The following CRIM1 variants were observed in gnomAD, a reference collection of about 807,000 sequenced individuals.
CRIM1 encodes the protein cysteine rich transmembrane BMP regulator 1, also known as cysteine-rich motor neuron 1 protein.
CRIM1 carries 32 observed loss-of-function variants against 116.4 expected under a neutral mutation model. That is an observed-to-expected ratio of 0.27 (90% CI 0.21 to 0.37). The LOEUF (loss-of-function observed/expected upper bound fraction) is 0.37, where lower values mean the gene tolerates loss of function less well. Ranked by LOEUF, CRIM1 falls within the 10% of genes least tolerant of loss-of-function variation. CRIM1 has a pLI of 1.00. For synonymous variants in CRIM1, 590 were observed against 509.2 expected, an observed-to-expected ratio of 1.16 and a Z score of -2.13; for missense variants, 1,331 against 1,354.8, an observed-to-expected ratio of 0.98 and a Z score of 0.28.
chr2:36,460,360 AG>A (rs2124996827), intron 4 of CRIM1, among the ~76,000 whole-genome samples: 2 of 152,322 alleles, frequency 1.3e-5, no homozygotes, highest in East Asian at 3.9e-4. Flanking sequence ...AACATAAATT[AG>A]TGGTTGCTAA....
chr2:36,477,525 A>C (rs1679079136), intron 6 of CRIM1, among the ~76,000 whole-genome samples: 1 of 152,182 alleles, frequency 6.6e-6, no homozygotes, highest in Admixed American at 6.5e-5. Flanking sequence ...CGTAATACCC[A>C]GGACCCTCCA....
At chr2:36,410,820 C>T (rs1211146426) in intron 2 of CRIM1, among the ~76,000 whole-genome samples, 1 of 151,960 alleles carries the variant, frequency 6.6e-6, no homozygotes, top group East Asian at 1.9e-4. Context: ...CATGAAAAGA[C>T]ACTTGTTTCA....
At chr2:36,476,867 T>G (rs776292709) in intron 5 of CRIM1, 22 bp from the exon 6 acceptor site, 3 of 1,587,782 alleles carry the variant, frequency 1.9e-6, no homozygotes, top group Non-Finnish European at 2.6e-6. Context: ...AAATATGCCT[T>G]GTTTGTTTTA....
intron 1 of CRIM1, among the ~76,000 whole-genome samples, chr2:36,377,068 G>A (rs963103196): frequency 1.3e-5 from 2 of 152,132 alleles, no homozygotes; most frequent in Non-Finnish European, 2.9e-5. Context: ...TGTGGGTTCC[G>A]GAAGGCCCAC....
At chr2:36,383,172 A>G (rs1670913801) in intron 1 of CRIM1, among the ~76,000 whole-genome samples, 1 of 152,230 alleles carries the variant, frequency 6.6e-6, no homozygotes, top group Admixed American at 6.5e-5. Flanking sequence ...AGCATGTGGA[A>G]AAAGGACTGA....
intron 1 of CRIM1, among the ~76,000 whole-genome samples, chr2:36,363,165 A>G: frequency 6.7e-6 from 1 of 148,324 alleles, no homozygotes; most frequent in Admixed American, 6.9e-5. Flanking sequence ...GCACCACTGC[A>G]CTCCAGCCTG....
At position 36,513,760 on chromosome 2, in the gene CRIM1, G is replaced by T; in HGVS notation, c.1985G>T (p.Cys662Phe). 6.2e-7 allele frequency: 1 copy of T among 1,613,884 alleles called. No individual in the cohort carries two copies. The highest frequency in any genetic ancestry group is 8.5e-7 in the Non-Finnish European group (1 of 1,179,882). The change falls in exon 11 of 17, where the codon TGT becomes TTT. Residue 662 changes from cysteine (C) to phenylalanine (F), a missense_variant. Around this residue, in one of 3 missense-constraint regions of CRIM1, gnomAD observed 358 missense variants for 436.1 expected, o/e 0.82. Transcript: ENST00000280527. ...CACCCTGGACAGTGCTGCCCATCAT[G>T]TGCAGGTAAAAGCTGGCTGCCATCT... Reference protein sequence around the residue: ...TIHPGQCCPSCADDFVVQKPE... With the variant: ...TIHPGQCCPSFADDFVVQKPE...
intron 4 of CRIM1, among the ~76,000 whole-genome samples, chr2:36,452,466 A>G (rs1044919323): frequency 2.0e-5 from 3 of 152,212 alleles, no homozygotes; most frequent in African/African-American, 7.2e-5. Flanking sequence ...CATGACTAAA[A>G]AAGCCAGAGT....
rs551175343 is a variant in CRIM1 at position 36,370,804 on chromosome 2, TATTTC to T, written c.331+14184_331+14188del. On this transcript the variant is annotated intron_variant, in intron 1 of 16. Coordinates refer to ENST00000280527, the MANE Select transcript of CRIM1 (RefSeq NM_016441.3). ...GAACTTTTTTTCTTTAGAGGGGACA[TATTTC>T]ATATGCATAGTTATTCCCCCTCTAC... Among the ~76,000 whole-genome samples the T allele has an allele frequency of 3.9e-5, 6 of 152,270 alleles. No individual in the cohort carries two copies. In the South Asian group the frequency reaches 1.2e-3, roughly 32 times the overall value.
intron 2 of CRIM1, among the ~76,000 whole-genome samples, chr2:36,416,613 G>A (rs139194319): frequency 4.6e-5 from 7 of 152,252 alleles, no homozygotes; most frequent in African/African-American, 1.7e-4. Flanking sequence ...TTTAGTTTAC[G>A]CCTAATTTCA....
chr2:36,358,547 A>G (rs1018873584), intron 1 of CRIM1, among the ~76,000 whole-genome samples: 13 of 152,232 alleles, frequency 8.5e-5, no homozygotes, highest in Non-Finnish European at 1.6e-4. Context: ...GTCACAGTAT[A>G]GAGTTATTTT....
At chr2:36,457,070 G>GA (rs1237709719) in intron 4 of CRIM1, among the ~76,000 whole-genome samples, 1 of 152,196 alleles carries the variant, frequency 6.6e-6, no homozygotes, top group Admixed American at 6.5e-5. Flanking sequence ...AAGCTAGGAA[G>GA]AGAAGAGCTT....
intron 13 of CRIM1, among the ~76,000 whole-genome samples, chr2:36,536,358 A>ATATC (rs140715): frequency 0.43 from 65,650 of 151,622 alleles, 14,428 homozygotes; most frequent in Middle Eastern, 0.56. Flanking sequence ...TTCCTTCTAG[A>ATATC]TGCCTTTGTA....
intron 7 of CRIM1, among the ~76,000 whole-genome samples, chr2:36,495,484 T>TA (rs200768831): frequency 0.029 from 4,297 of 148,088 alleles, 214 homozygotes; most frequent in African/African-American, 0.098. Flanking sequence ...TATTTTTTTT[T>TA]TTTTTTTTTT....
At chr2:36,448,126 C>T (rs1290346880) in intron 4 of CRIM1, among the ~76,000 whole-genome samples, 1 of 152,186 alleles carries the variant, frequency 6.6e-6, no homozygotes, top group Non-Finnish European at 1.5e-5. Context: ...AGGTTTTCTC[C>T]CATCATACAA....
intron 2 of CRIM1, among the ~76,000 whole-genome samples, chr2:36,428,442 T>C (rs1222913655): frequency 1.3e-5 from 2 of 152,230 alleles, no homozygotes; most frequent in Non-Finnish European, 2.9e-5. Flanking sequence ...TTCATCTTTT[T>C]TGTAGGAAGG....
At chr2:36,418,596 CTTTA>C (rs1162748418) in intron 2 of CRIM1, among the ~76,000 whole-genome samples, 1 of 152,132 alleles carries the variant, frequency 6.6e-6, no homozygotes, top group Non-Finnish European at 1.5e-5. Context: ...CACTTGAGCT[CTTTA>C]TTCTGCCATG....
intron 1 of CRIM1, among the ~76,000 whole-genome samples, chr2:36,380,207 A>G (rs988246774): frequency 3.3e-5 from 5 of 152,090 alleles, no homozygotes; most frequent in African/African-American, 1.2e-4. Context: ...ATCCTTCTCC[A>G]CAAGACCAGG....
At chr2:36,513,496 G>A (rs981525831) in intron 10 of CRIM1, 60 bp from the exon 11 acceptor site, 10 of 1,371,724 alleles carry the variant, frequency 7.3e-6, no homozygotes, top group South Asian at 4.7e-5. Context: ...TACAGACTCT[G>A]TAGCCTGTTT....
Sources: gnomAD v4.1 joint callset for allele counts (sites outside exome capture counted in the v4.1 genomes callset) on GRCh38, gnomAD v4.1.1 for gene constraint, gnomAD v4.1.1 regional missense constraint, MANE v1.5 for transcripts, NCBI Gene and HGNC (gene_info 2026-07-23, HGNC 2026-07-21) for gene names.